KIF26B: variants seen among roughly 807,000 people sequenced by gnomAD.
KIF26B encodes kinesin family member 26B, also known as kinesin-like protein KIF26B.
Under a neutral mutation model 151.2 loss-of-function variants are expected in KIF26B, and 63 were observed. That is an observed-to-expected ratio of 0.42 (90% CI 0.34 to 0.51). KIF26B has a LOEUF of 0.51. KIF26B is among the 20% of genes least tolerant of loss of function. KIF26B has a pLI of 0.07. For missense variants in KIF26B, 2,813 were observed against 2,913.6 expected (o/e 0.97, Z 0.79); for synonymous variants, 1,357 against 1,262.1 (o/e 1.08, Z -1.59).
intron 9 of KIF26B, among the ~76,000 whole-genome samples, chr1:245,639,615 T>C (rs1451200050): frequency 1.3e-5 from 2 of 151,882 alleles, no homozygotes; most frequent in Non-Finnish European, 3.0e-5. Context: ...TATAGAACTT[T>C]CCATTAGTGC....
rs187107735 is a variant in KIF26B at position 245,270,600 on chromosome 1, A to G, written c.466-96234A>G. ...AAGGTCTATTTAGGTCCTTTCCTTT[A>G]TGTATTTTAAAAATTGGTTTATTTG... On this transcript the variant is annotated intron_variant, in intron 2 of 14. Coordinates refer to ENST00000407071, the MANE Select transcript of KIF26B (RefSeq NM_018012.4). 9.3e-4 allele frequency among the ~76,000 whole-genome samples: 142 copies of G among 152,020 alleles called. 1 individual carries two copies. The highest frequency in any genetic ancestry group is 3.3e-3 in the African/African-American group (138 of 41,444).
intron 5 of KIF26B, among the ~76,000 whole-genome samples, chr1:245,547,085 C>T (rs537519370): frequency 8.5e-5 from 13 of 152,240 alleles, no homozygotes; most frequent in Non-Finnish European, 1.5e-4. Context: ...CCCAGGCGCC[C>T]GGAGCTCAGG....
intron 2 of KIF26B, among the ~76,000 whole-genome samples, chr1:245,284,852 A>T (rs927138714): frequency 3.9e-5 from 6 of 152,136 alleles, no homozygotes; most frequent in African/African-American, 1.4e-4. Context: ...CAGCCTGACC[A>T]ATATGGAGAA....
At chr1:245,452,288 C>T (rs1369896839) in intron 4 of KIF26B, among the ~76,000 whole-genome samples, 2 of 152,190 alleles carry the variant, frequency 1.3e-5, no homozygotes. Context: ...GGCTGAATAA[C>T]AGCATATCAT....
chr1:245,367,144 G>C lies in KIF26B; in HGVS notation c.776G>C (p.Gly259Ala), dbSNP rs190637518. 1.5e-5 allele frequency: 24 copies of C among 1,601,740 alleles called. No individual in the cohort carries two copies. The highest frequency in any genetic ancestry group is 3.4e-5 in the Admixed American group (2 of 58,300). The change falls in exon 3 of 15, where the codon GGC (glycine) becomes GCC (alanine). Residue 259 changes from glycine (G) to alanine (A), a missense_variant. Transcript: ENST00000407071. This position sits in a 1 kb window ranked among gnomAD's most constrained non-coding sequence, Gnocchi z 4.2. Reference protein sequence around the residue: ...PAPCATSNYTGFANKHGSKPS... With the variant: ...PAPCATSNYTAFANKHGSKPS... ...CCCTGTGCCACCTCCAACTACACAG[G>C]CTTCGCCAACAAGCACGGCAGCAAA... is the stretch of plus-strand genomic sequence containing the variant.
intron 9 of KIF26B, among the ~76,000 whole-genome samples, chr1:245,635,950 A>G (rs148856256): frequency 4.6e-5 from 7 of 152,266 alleles, no homozygotes; most frequent in African/African-American, 1.7e-4. Context: ...ATTGTTCTAC[A>G]TTGACTTCTA....
chr1:245,673,092 T>C (rs551356946), intron 10 of KIF26B, among the ~76,000 whole-genome samples: 11 of 146,862 alleles, frequency 7.5e-5, no homozygotes, highest in African/African-American at 2.8e-4. Flanking sequence ...CGCTGGGCGC[T>C]GCCATCTTAG....
chr1:245,379,131 A>G (rs188717068), intron 3 of KIF26B, among the ~76,000 whole-genome samples: 10 of 152,370 alleles, frequency 6.6e-5, no homozygotes, highest in Admixed American at 6.5e-4. Context: ...AAGCACATAA[A>G]ATAAATGTTA....
At chr1:245,484,198 G>A (rs553082425) in intron 4 of KIF26B, among the ~76,000 whole-genome samples, 19 of 151,826 alleles carry the variant, frequency 1.3e-4, no homozygotes, top group African/African-American at 4.1e-4. Context: ...CTCTTAATAA[G>A]TGTTAATAAT....
intron 5 of KIF26B, among the ~76,000 whole-genome samples, chr1:245,583,694 T>C (rs1422639558): frequency 1.3e-5 from 2 of 152,184 alleles, no homozygotes; most frequent in Non-Finnish European, 2.9e-5. Context: ...GGTACACGAA[T>C]GGGCTTCAGG....
Position 245,563,777 on chromosome 1 carries a change from G to T in KIF26B, c.1350+22827G>T, listed in dbSNP as rs993377542. On this transcript the variant is annotated intron_variant, in intron 5 of 14. Transcript: ENST00000407071. The surrounding 1 kb of genome is among the most constrained non-coding windows in gnomAD (Gnocchi z 4.6). ...ATTTAGAATATGTAACGCAATTACC[G>T]CTGCGTTACCAGCAATCCCAAGAGG... Among the ~76,000 whole-genome samples the T allele has an allele frequency of 6.7e-6, 1 of 148,334 alleles. No individual in the cohort carries two copies. Among genetic ancestry groups the T allele is most frequent in the African/African-American group, 2.5e-5 (1 of 40,488 alleles).
At chr1:245,286,194 T>C (rs1671162451) in intron 2 of KIF26B, among the ~76,000 whole-genome samples, 1 of 151,916 alleles carries the variant, frequency 6.6e-6, no homozygotes, top group African/African-American at 2.4e-5. Context: ...TCTCTGGGGG[T>C]ACCTGTGGAT....
chr1:245,588,461 A>G (rs1466506655), intron 5 of KIF26B, among the ~76,000 whole-genome samples: 2 of 152,110 alleles, frequency 1.3e-5, no homozygotes, highest in Non-Finnish European at 2.9e-5. Flanking sequence ...GGAGCGTCTC[A>G]TTAGCGTTTG....
chr1:245,678,405 G>A (rs1490014524), intron 10 of KIF26B, among the ~76,000 whole-genome samples: 2 of 152,122 alleles, frequency 1.3e-5, no homozygotes, highest in African/African-American at 2.4e-5. Flanking sequence ...GATGGTTACT[G>A]GAATCGATGT....
At chr1:245,342,940 G>C (rs1170977548) in intron 2 of KIF26B, among the ~76,000 whole-genome samples, 1 of 152,058 alleles carries the variant, frequency 6.6e-6, no homozygotes, top group Admixed American at 6.6e-5. Flanking sequence ...ACAAAAATTA[G>C]CCGAGTGTGG....
chr1:245,457,309 A>G (rs1659556018), intron 4 of KIF26B, among the ~76,000 whole-genome samples: 1 of 152,228 alleles, frequency 6.6e-6, no homozygotes, highest in Non-Finnish European at 1.5e-5. Context: ...CAGAAAGGAG[A>G]GCTGGAAGAA....
intron 11 of KIF26B, 34 bp from the exon 12 acceptor site, chr1:245,685,371 A>G: frequency 1.0e-5 from 16 of 1,541,854 alleles, no homozygotes; most frequent in Non-Finnish European, 1.3e-5. Flanking sequence ...CTGCCACGGA[A>G]AGGCCACCAC....
chr1:245,218,223 C>G lies in KIF26B; in HGVS notation c.465+61540C>G, dbSNP rs890588149. On this transcript the variant is annotated intron_variant, in intron 2 of 14. Coordinates refer to ENST00000407071, the MANE Select transcript of KIF26B (RefSeq NM_018012.4). The surrounding 1 kb of genome is among the most constrained non-coding windows in gnomAD (Gnocchi z 4.1). The stretch of plus-strand genomic sequence containing the variant: ...GTCACCAGAGCAGTGACATTCGGGC[C>G]CTCGGGGGCAGACTGTGCCTGTGGC... Among the ~76,000 whole-genome samples, 8 of 152,096 alleles carry G rather than the reference C, an allele frequency of 5.3e-5. No individual in the cohort carries two copies. The highest frequency in any genetic ancestry group is 1.7e-4 in the African/African-American group (7 of 41,400).
rs1170207967 is a variant in KIF26B, at chr1:245,280,530, C to CA, written c.466-86293dup. 3.9e-4 allele frequency among the ~76,000 whole-genome samples: 31 copies of CA among 79,580 alleles called. 1 individual carries two copies. Among genetic ancestry groups the CA allele is most frequent in the South Asian group, 1.8e-3 (4 of 2,230 alleles). 52.2% of individuals were successfully genotyped at this position (79,580 alleles called of 152,430 possible). A position where few individuals can be genotyped will look rare whatever the true frequency, so the allele number is the denominator to read the frequency against. On this transcript the variant is annotated intron_variant, in intron 2 of 14. Transcript: ENST00000407071. ...TGGGCAACAGAGCGAGACTCTGTCT[C>CA]AAAAAAAAAAAGAAAAGAAATTATT... is the stretch of plus-strand genomic sequence containing the variant.
Sources: allele counts gnomAD v4.1 joint callset (sites outside exome capture counted in the v4.1 genomes callset), GRCh38; gene constraint gnomAD v4.1.1; non-coding constraint Gnocchi (gnomAD v3.1); transcripts MANE v1.5; gene names NCBI Gene and HGNC (gene_info 2026-07-23, HGNC 2026-07-21).